Variants in SGCD observed in about 807,000 individuals in gnomAD.
SGCD encodes delta-sarcoglycan.
A neutral mutation model predicts 36.6 loss-of-function variants in SGCD; 18 were observed. The observed-to-expected ratio is 0.49, with a 90% confidence interval of 0.34 to 0.73. SGCD has a LOEUF of 0.73. Among genes scored for constraint, SGCD ranks in the 30% least tolerant of loss-of-function variants. SGCD has a pLI of 0.01. For missense variants in SGCD, 387 were observed against 346.7 expected (o/e 1.12, Z -0.92); for synonymous variants, 133 against 130.6 (o/e 1.02, Z -0.12).
At chr5:156,688,094 T>C (rs578199916) in intron 7 of SGCD, among the ~76,000 whole-genome samples, 1 of 152,154 alleles carries the variant, frequency 6.6e-6, no homozygotes, top group African/African-American at 2.4e-5. Context: ...CAGGGGTACA[T>C]GTGCAGGTTT....
intron 6 of SGCD, among the ~76,000 whole-genome samples, chr5:156,619,321 G>T (rs894258049): frequency 1.3e-5 from 2 of 152,122 alleles, no homozygotes; most frequent in African/African-American, 4.8e-5. Flanking sequence ...TGCCGAGCCG[G>T]CCGAAGAGAG....
At chr5:156,078,520 A>AATAT (rs199720918) in intron 1 of SGCD, among the ~76,000 whole-genome samples, 1 of 125,516 alleles carries the variant, frequency 8.0e-6, no homozygotes, top group African/African-American at 3.3e-5. Flanking sequence ...CAAAAAAAAA[A>AATAT]ATATATATAT....
chr5:155,896,596 T>G (rs1185886415), intron 1 of SGCD, among the ~76,000 whole-genome samples: 1 of 150,678 alleles, frequency 6.6e-6, no homozygotes. Context: ...CAGTGACTTG[T>G]AATCATGCCA....
intron 6 of SGCD, among the ~76,000 whole-genome samples, chr5:156,640,957 G>A (rs1002393781): frequency 2.0e-5 from 3 of 152,154 alleles, no homozygotes; most frequent in Non-Finnish European, 4.4e-5. Context: ...TATTGTTCAT[G>A]TCTGGGAAGA....
chr5:156,433,448 C>T (rs989639081), intron 3 of SGCD, among the ~76,000 whole-genome samples: 5 of 152,156 alleles, frequency 3.3e-5, no homozygotes, highest in Admixed American at 6.5e-5. Context: ...CAAAGGCCCA[C>T]GTTGGTGGCT....
intron 4 of SGCD, among the ~76,000 whole-genome samples, chr5:156,524,099 T>C (rs1361088432): frequency 7.1e-4 from 1 of 1,418 alleles, no homozygotes. Flanking sequence ...TCTTACTATA[T>C]ATATATATAT....
intron 3 of SGCD, among the ~76,000 whole-genome samples, chr5:156,307,367 G>T (rs764224309): frequency 1.3e-5 from 2 of 152,202 alleles, no homozygotes; most frequent in East Asian, 3.9e-4. Context: ...AAATGTCAAC[G>T]TATTTGTGTC....
intron 4 of SGCD, among the ~76,000 whole-genome samples, chr5:156,522,211 G>A (rs1202977964): frequency 6.6e-6 from 1 of 152,096 alleles, no homozygotes; most frequent in Non-Finnish European, 1.5e-5. Flanking sequence ...GGGGCTGAGG[G>A]AGGGATAGCA....
chr5:155,927,689 G>A (rs1054358044), intron 1 of SGCD, among the ~76,000 whole-genome samples: 11 of 152,176 alleles, frequency 7.2e-5, no homozygotes, highest in Non-Finnish European at 1.0e-4. Flanking sequence ...TTTGTGGGAA[G>A]CACAATGACC....
At chr5:156,435,140 C>T (rs1753189733) in intron 3 of SGCD, among the ~76,000 whole-genome samples, 1 of 152,160 alleles carries the variant, frequency 6.6e-6, no homozygotes, top group African/African-American at 2.4e-5. Flanking sequence ...TATTTTGATT[C>T]ATAGACTGTA....
chr5:155,823,042 T>TTCTATATC, the SGCD span, among the ~76,000 whole-genome samples: 1,589 of 145,908 alleles, frequency 0.011, 37 homozygotes, highest in African/African-American at 0.031. Context: ...ACATCTCTAT[T>TTCTATATC]TCTATATCTC....
chr5:155,827,260 C>T, the SGCD span, among the ~76,000 whole-genome samples: 1 of 152,198 alleles, frequency 6.6e-6, no homozygotes, highest in Non-Finnish European at 1.5e-5. Context: ...CAAGAGTTTA[C>T]TGTTTCATGT....
intron 1 of SGCD, among the ~76,000 whole-genome samples, chr5:155,908,002 G>A (rs1309389279): frequency 3.3e-5 from 5 of 152,102 alleles, no homozygotes; most frequent in African/African-American, 1.2e-4. Context: ...CCAACACTGA[G>A]CAATTACCAC....
At chr5:155,858,528 C>T in the SGCD span, among the ~76,000 whole-genome samples, 20 of 152,326 alleles carry the variant, frequency 1.3e-4, no homozygotes, top group East Asian at 3.7e-3. Flanking sequence ...GCTTTATAAA[C>T]TCATCTTTAT....
the SGCD span, among the ~76,000 whole-genome samples, chr5:155,767,836 C>T: frequency 6.6e-6 from 1 of 152,268 alleles, no homozygotes; most frequent in South Asian, 2.1e-4. Context: ...ATTCCATCTT[C>T]CCAATGGGTG....
chr5:156,511,721 C>T (rs1244084990), intron 4 of SGCD, among the ~76,000 whole-genome samples: 1 of 152,190 alleles, frequency 6.6e-6, no homozygotes, highest in East Asian at 1.9e-4. Flanking sequence ...ACATTCTTAT[C>T]ATGTTTATAT....
Position 155,979,592 on chromosome 5 carries a change from G to A in SGCD, c.-282+109168G>A, listed in dbSNP as rs539983799. On this transcript the variant is annotated intron_variant, in intron 1 of 9. Coordinates refer to the SGCD transcript ENST00000517913. The stretch of plus-strand genomic sequence containing the variant: ...AAGGCTCCTCTGTCAACACCATGGG[G>A]AGTGATGAAGCTGGGCTGGCTCTCC... 2.6e-5 allele frequency among the ~76,000 whole-genome samples: 4 copies of A among 152,342 alleles called. No individual in the cohort carries two copies. The South Asian group carries it at 8.3e-4, about 32-fold the overall frequency.
chr5:155,821,659 C>A, the SGCD span, among the ~76,000 whole-genome samples: 1 of 152,134 alleles, frequency 6.6e-6, no homozygotes, highest in African/African-American at 2.4e-5. Context: ...CACGTCCATC[C>A]ATAGGAGAGT....
At chr5:156,360,223 T>C (rs1233011185) in intron 3 of SGCD, among the ~76,000 whole-genome samples, 4 of 151,458 alleles carry the variant, frequency 2.6e-5, no homozygotes, top group African/African-American at 9.7e-5. Flanking sequence ...TCGCCTATTT[T>C]ACATATACCT....
Sources: allele counts gnomAD v4.1 joint callset (sites outside exome capture counted in the v4.1 genomes callset), GRCh38; gene constraint gnomAD v4.1.1; transcripts MANE v1.5; gene names NCBI Gene and HGNC (gene_info 2026-07-23, HGNC 2026-07-21).